The following PPP2R2B variants were observed in gnomAD, a reference collection of about 807,000 sequenced individuals.
PPP2R2B encodes the protein serine/threonine-protein phosphatase 2A 55 kDa regulatory subunit B beta isoform.
In PPP2R2B, 5 loss-of-function variants were observed where a neutral mutation model predicts 46.0. The observed-to-expected ratio is 0.11, with a 90% CI of 0.06 to 0.23. The LOEUF (loss-of-function observed/expected upper bound fraction) is 0.23, where lower values mean the gene tolerates loss of function less well. PPP2R2B is among the 10% of genes least tolerant of loss of function. PPP2R2B has a pLI of 1.00. For missense variants in PPP2R2B, 367 were observed against 575.0 expected, an observed-to-expected ratio of 0.64 and a Z score of 3.70; for synonymous variants, 215 against 206.7, an observed-to-expected ratio of 1.04 and a Z score of -0.34.
chr5:146,886,085 C>T (rs574661666), intron 1 of PPP2R2B, among the ~76,000 whole-genome samples: 197 of 152,116 alleles, frequency 1.3e-3, no homozygotes, highest in African/African-American at 4.5e-3. Context: ...ACGCCTGTAG[C>T]CCCAACACTT....
At chr5:146,758,204 C>T (rs994429011) in intron 2 of PPP2R2B, among the ~76,000 whole-genome samples, 17 of 152,102 alleles carry the variant, frequency 1.1e-4, no homozygotes, top group Non-Finnish European at 1.9e-4. Flanking sequence ...TAGAGATTTA[C>T]AAATGATAGA....
intron 1 of PPP2R2B, among the ~76,000 whole-genome samples, chr5:147,044,197 G>A (rs1210287132): frequency 2.0e-5 from 3 of 152,054 alleles, no homozygotes; most frequent in Non-Finnish European, 4.4e-5. Context: ...GAGTTTTCAT[G>A]TGGAAAGGGC....
At chr5:146,890,398 A>G (rs1468819882) in intron 1 of PPP2R2B, among the ~76,000 whole-genome samples, 1 of 152,144 alleles carries the variant, frequency 6.6e-6, no homozygotes, top group African/African-American at 2.4e-5. Context: ...CACCTACACC[A>G]TCATGGTTTG....
chr5:147,000,267 G>A (rs928099402), intron 1 of PPP2R2B, among the ~76,000 whole-genome samples: 1 of 152,128 alleles, frequency 6.6e-6, no homozygotes, highest in Non-Finnish European at 1.5e-5. Context: ...CCTAGGATGA[G>A]TGCCTCATTC....
intron 8 of PPP2R2B, among the ~76,000 whole-genome samples, chr5:146,593,707 A>T (rs1027180731): frequency 6.6e-6 from 1 of 152,210 alleles, no homozygotes; most frequent in African/African-American, 2.4e-5. Context: ...CTCTCCAAGC[A>T]TAGGAAACAG....
intron 7 of PPP2R2B, among the ~76,000 whole-genome samples, chr5:146,625,103 G>A (rs1389715398): frequency 1.3e-5 from 2 of 152,204 alleles, no homozygotes; most frequent in African/African-American, 2.4e-5. Context: ...AGTAGCAGTT[G>A]ATTACCTTTA....
At chr5:146,747,294 G>A (rs1021821874) in intron 2 of PPP2R2B, among the ~76,000 whole-genome samples, 1 of 151,852 alleles carries the variant, frequency 6.6e-6, no homozygotes, top group Non-Finnish European at 1.5e-5. Flanking sequence ...CATGACAACT[G>A]GAAAGATCCC....
chr5:146,795,725 G>A (rs1290393162), intron 2 of PPP2R2B, among the ~76,000 whole-genome samples: 2 of 152,048 alleles, frequency 1.3e-5, no homozygotes, highest in Non-Finnish European at 2.9e-5. Context: ...GCTTGATTGT[G>A]GACTCATTTC....
At position 146,691,255 on chromosome 5, in the gene PPP2R2B, C is replaced by T; in HGVS notation, c.335-15G>A. 6.2e-7 allele frequency: 1 copy of T among 1,605,952 alleles called. No homozygotes were observed. The highest frequency in any genetic ancestry group is 8.5e-7 in the Non-Finnish European group (1 of 1,173,376). On this transcript the variant is annotated splice_polypyrimidine_tract_variant and intron_variant, in intron 4 of 9. Transcript: ENST00000394411. ...CACAGTTTTATCTGTAGTGGGCAACCAGATTAAGTCAGAATTATAGTGAAA... is the reference window on the plus strand; with the variant it reads ...CACAGTTTTATCTGTAGTGGGCAACTAGATTAAGTCAGAATTATAGTGAAA...
intron 9 of PPP2R2B, among the ~76,000 whole-genome samples, chr5:146,590,765 CT>C (rs963576833): frequency 3.3e-5 from 5 of 152,112 alleles, no homozygotes; most frequent in African/African-American, 1.2e-4. Context: ...GGGGCGCGAC[CT>C]CTCCCCTGCC....
chr5:146,646,189 G>A (rs1370296622), intron 6 of PPP2R2B, among the ~76,000 whole-genome samples: 2 of 152,144 alleles, frequency 1.3e-5, no homozygotes, highest in Non-Finnish European at 2.9e-5. Flanking sequence ...CACAAACTAG[G>A]TGCTCAATTT....
At chr5:146,764,407 C>G (rs910878239) in intron 2 of PPP2R2B, among the ~76,000 whole-genome samples, 1 of 152,172 alleles carries the variant, frequency 6.6e-6, no homozygotes, top group Non-Finnish European at 1.5e-5. Context: ...GGCGCTATTT[C>G]TTCATTCCTT....
intron 9 of PPP2R2B, among the ~76,000 whole-genome samples, chr5:146,590,595 T>A (rs1770535972): frequency 6.6e-6 from 1 of 152,122 alleles, no homozygotes; most frequent in Admixed American, 6.5e-5. Context: ...GAGACTAGAA[T>A]GAGGTTTGTC....
At chr5:146,771,660 G>T (rs1178088277) in intron 2 of PPP2R2B, among the ~76,000 whole-genome samples, 2 of 152,188 alleles carry the variant, frequency 1.3e-5, no homozygotes, top group Non-Finnish European at 2.9e-5. Flanking sequence ...CTGGGCACAT[G>T]ATTAGGTAGA....
chr5:146,738,037 T>A (rs1484513406), intron 2 of PPP2R2B, among the ~76,000 whole-genome samples: 2 of 152,100 alleles, frequency 1.3e-5, no homozygotes, highest in Non-Finnish European at 1.5e-5. Flanking sequence ...AACACATGAT[T>A]GTCACTCTCA....
intron 2 of PPP2R2B, among the ~76,000 whole-genome samples, chr5:146,747,468 T>A (rs1402089754): frequency 6.6e-6 from 1 of 152,220 alleles, no homozygotes; most frequent in East Asian, 1.9e-4. Flanking sequence ...TGAACAATAG[T>A]GATATTAAAC....
chr5:146,680,487 T>A (rs1561827486), intron 5 of PPP2R2B, among the ~76,000 whole-genome samples: 1 of 151,716 alleles, frequency 6.6e-6, no homozygotes, highest in Non-Finnish European at 1.5e-5. Flanking sequence ...ATGGCACATG[T>A]ATACATATGT....
intron 1 of PPP2R2B, among the ~76,000 whole-genome samples, chr5:146,955,847 C>A (rs551118447): frequency 2.1e-5 from 3 of 144,186 alleles, no homozygotes; most frequent in African/African-American, 7.8e-5. Context: ...GGCATGATCT[C>A]GTCTCACTGC....
chr5:146,873,648 T>C (rs1383403890), intron 2 of PPP2R2B, among the ~76,000 whole-genome samples: 2 of 152,210 alleles, frequency 1.3e-5, no homozygotes, highest in Admixed American at 6.5e-5. Flanking sequence ...AGTCTCGCTC[T>C]GTCACCAGAC....
Sources: allele counts gnomAD v4.1 joint callset (sites outside exome capture counted in the v4.1 genomes callset), GRCh38; gene constraint gnomAD v4.1.1; transcripts MANE v1.5; gene names NCBI Gene and HGNC (gene_info 2026-07-23, HGNC 2026-07-21).